Variants in PPP1R14D observed in about 807,000 individuals in gnomAD.
PPP1R14D encodes protein phosphatase 1 regulatory inhibitor subunit 14D, also known as protein phosphatase 1 regulatory subunit 14D.
A neutral mutation model predicts 17.1 loss-of-function variants in PPP1R14D; 14 were observed. That is an observed-to-expected ratio of 0.82 (90% CI 0.54 to 1.28). PPP1R14D has a LOEUF of 1.28. Ranked by LOEUF, PPP1R14D falls within the 50% of genes most tolerant of loss-of-function variation. PPP1R14D has a pLI of 0.00. For missense variants in PPP1R14D, 173 were observed against 179.2 expected (o/e 0.97, Z 0.20); for synonymous variants, 67 against 66.1 (o/e 1.01, Z -0.06).
chr15:40,819,417 C>T (rs761231368), intron 1 of PPP1R14D, among the ~76,000 whole-genome samples: 18 of 151,840 alleles, frequency 1.2e-4, no homozygotes, highest in Non-Finnish European at 1.0e-4. Flanking sequence ...GGTATGGTGC[C>T]GTGTGCCTGT....
intron 1 of PPP1R14D, among the ~76,000 whole-genome samples, chr15:40,821,436 C>G (rs1391459236): frequency 6.7e-6 from 1 of 149,936 alleles, no homozygotes; most frequent in African/African-American, 2.5e-5. Flanking sequence ...ATGTTTAACA[C>G]TGTGGGGAAA....
intron 1 of PPP1R14D, among the ~76,000 whole-genome samples, chr15:40,823,913 C>T (rs1483261019): frequency 6.6e-6 from 1 of 151,056 alleles, no homozygotes; most frequent in Non-Finnish European, 1.5e-5. Context: ...CCTCCCAGCA[C>T]TTTGGGAGGC....
intron 1 of PPP1R14D, among the ~76,000 whole-genome samples, chr15:40,821,192 A>G (rs796181410): frequency 5.9e-5 from 9 of 151,712 alleles, no homozygotes; most frequent in African/African-American, 2.2e-4. Flanking sequence ...AAAATTAGCC[A>G]GACATGGTGC....
rs1890914310 is a variant in PPP1R14D, at chr15:40,828,586, G to T, written c.56C>A (p.Pro19Gln). 2 of 1,614,182 alleles carry T rather than the reference G, an allele frequency of 1.2e-6. No homozygotes were observed. The highest frequency in any genetic ancestry group is 4.5e-5 in the East Asian group (2 of 44,890). Residue 19 changes from proline (P) to glutamine (Q), a missense_variant, in exon 1 of 4, where the codon CCA becomes CAA. Physicochemically the swap from Pro to Gln is moderately conservative, Grantham distance 76. Coordinates refer to ENST00000299174, the MANE Select transcript of PPP1R14D (RefSeq NM_017726.8). The stretch of plus-strand genomic sequence containing the variant: ...AGAAGCCCAGTGGACCTTCTTACAT[G>T]GGTTCTCCCCATCTGGGCTGGGAGA... Reference protein sequence around the residue: ...CTSPSPDGENPCKKVHWASGR... With the variant: ...CTSPSPDGENQCKKVHWASGR...
At chr15:40,822,994 C>T (rs535628202) in intron 1 of PPP1R14D, among the ~76,000 whole-genome samples, 9 of 124,786 alleles carry the variant, frequency 7.2e-5, no homozygotes, top group Admixed American at 2.6e-4. Context: ...TTTACAATTT[C>T]GCTCTTGTCG....
At chr15:40,815,930 T>C (rs1890651824) in intron 3 of PPP1R14D, 32 bp downstream of exon 3, 3 of 1,613,038 alleles carry the variant, frequency 1.9e-6, no homozygotes, top group Non-Finnish European at 2.5e-6. Flanking sequence ...GGGCCTCCTC[T>C]TACCCCAGAC....
Position 40,815,926 on chromosome 15 carries a change from C to T in PPP1R14D, c.372+36G>A, listed in dbSNP as rs755141675. 1.8e-5 allele frequency: 29 copies of T among 1,612,734 alleles called. No individual in the cohort carries two copies. In the African/African-American group the frequency reaches 3.6e-4, roughly 20 times the overall value. On this transcript the variant is annotated intron_variant, in intron 3 of 3. Coordinates refer to ENST00000299174, the MANE Select transcript of PPP1R14D (RefSeq NM_017726.8). ...ATTAGCTACCTCCCCCATTGGGCCT[C>T]CTCTTACCCCAGACCAGCAGAAGAA...
intron 1 of PPP1R14D, among the ~76,000 whole-genome samples, chr15:40,820,711 T>C (rs910528600): frequency 5.4e-5 from 8 of 148,212 alleles, no homozygotes; most frequent in African/African-American, 2.0e-4. Flanking sequence ...AATACAAAAA[T>C]TTAGCGAGGT....
intron 1 of PPP1R14D, among the ~76,000 whole-genome samples, chr15:40,828,098 G>C (rs1234454835): frequency 6.6e-6 from 1 of 152,096 alleles, no homozygotes; most frequent in East Asian, 1.9e-4. Flanking sequence ...TGTCTCATTT[G>C]AGCCTCAGAA....
chr15:40,819,392 T>TCC lies in PPP1R14D; in HGVS notation c.256-3140_256-3139insGG, dbSNP rs528801544. On this transcript the variant is annotated intron_variant, in intron 1 of 3. Coordinates refer to ENST00000299174, the MANE Select transcript of PPP1R14D (RefSeq NM_017726.8). ...GTGAAACCTCCATCTCTACTAAAAATACAAAAATTAGCCAGGTATGGTGCC... is the reference window on the plus strand; with the variant it reads ...GTGAAACCTCCATCTCTACTAAAAATCCACAAAAATTAGCCAGGTATGGTGCC... Among the ~76,000 whole-genome samples, 32 of 152,070 alleles carry TCC rather than the reference T, an allele frequency of 2.1e-4. 1 individual carries two copies. The East Asian group carries it at 6.2e-3, about 29-fold the overall frequency.
intron 1 of PPP1R14D, among the ~76,000 whole-genome samples, chr15:40,827,230 T>A (rs1389570395): frequency 2.0e-5 from 3 of 152,116 alleles, no homozygotes; most frequent in Admixed American, 6.5e-5. Flanking sequence ...CCATGTTGGC[T>A]GGGTGCGGTG....
chr15:40,822,786 TTTG>T (rs996523427), intron 1 of PPP1R14D, among the ~76,000 whole-genome samples: 13 of 151,414 alleles, frequency 8.6e-5, no homozygotes, highest in African/African-American at 2.7e-4. Flanking sequence ...AAAATGACAT[TTTG>T]TTGTTGTTGT....
At chr15:40,823,702 T>C (rs143060499) in intron 1 of PPP1R14D, among the ~76,000 whole-genome samples, 71 of 152,316 alleles carry the variant, frequency 4.7e-4, no homozygotes, top group African/African-American at 1.6e-3. Context: ...AGCTACACCA[T>C]ATAGCCTACA....
chr15:40,816,295 T>C, intron 1 of PPP1R14D, 42 bp from the exon 2 acceptor site: 2 of 1,536,114 alleles, frequency 1.3e-6, no homozygotes, highest in Non-Finnish European at 1.8e-6. Context: ...CCTGACCAGC[T>C]GGTGCTGGAA....
At chr15:40,824,264 G>A (rs1303240583) in intron 1 of PPP1R14D, among the ~76,000 whole-genome samples, 1 of 152,020 alleles carries the variant, frequency 6.6e-6, no homozygotes, top group Non-Finnish European at 1.5e-5. Flanking sequence ...CTCCACTAGG[G>A]AGACCAGCAA....
chr15:40,822,546 C>T (rs1408507811), intron 1 of PPP1R14D, among the ~76,000 whole-genome samples: 3 of 151,596 alleles, frequency 2.0e-5, no homozygotes, highest in East Asian at 1.9e-4. Context: ...CTCTGCCTCC[C>T]GGGTTCAAGT....
Position 40,828,451 on chromosome 15 carries a change from C to A in PPP1R14D, c.191G>T (p.Gly64Val), listed in dbSNP as rs1345252178. The stretch of plus-strand genomic sequence containing the variant: ...CATCTCCAGCCAGCGCTGGAGCTGG[C>A]CCCGGTCATACTTCACTGTCAGGCG... The part of the protein sequence containing the change: ...PSRLTVKYDR[G>V]QLQRWLEMEQ... Residue 64 changes from glycine to valine, a missense_variant, in exon 1 of 4, where the codon GGC becomes GTC. Coordinates refer to ENST00000299174, the MANE Select transcript of PPP1R14D (RefSeq NM_017726.8). 1.2e-6 allele frequency: 2 copies of A among 1,614,082 alleles called. No homozygotes were observed. The highest frequency in any genetic ancestry group is 1.1e-5 in the South Asian group (1 of 91,066).
chr15:40,822,454 G>A (rs1890796471), intron 1 of PPP1R14D, among the ~76,000 whole-genome samples: 1 of 151,878 alleles, frequency 6.6e-6, no homozygotes, highest in Non-Finnish European at 1.5e-5. Context: ...TTCAAGACCA[G>A]ATTCTTTTTT....
chr15:40,816,010 CACAG>C lies in PPP1R14D; in HGVS notation c.340-20_340-17del. The C allele has an allele frequency of 1.2e-6, 2 of 1,614,006 alleles. No individual in the cohort carries two copies. Among genetic ancestry groups the C allele is most frequent in the Non-Finnish European group, 1.7e-6 (2 of 1,179,938 alleles). On this transcript the variant is annotated splice_polypyrimidine_tract_variant and intron_variant, in intron 2 of 3. Coordinates refer to ENST00000299174, the MANE Select transcript of PPP1R14D (RefSeq NM_017726.8). ...CAAGAATGGCCTAGATAGGAGAGAA[CACAG>C]ACAGGGCCCCAAGTCACAGCACTTT...
Sources: allele counts gnomAD v4.1 joint callset (sites outside exome capture counted in the v4.1 genomes callset), GRCh38; gene constraint gnomAD v4.1.1; transcripts MANE v1.5; gene names NCBI Gene and HGNC (gene_info 2026-07-23, HGNC 2026-07-21).